The following PGK1 variants were observed in gnomAD, a reference collection of about 807,000 sequenced individuals.
The protein encoded by PGK1 is PRP 2.
Under a neutral mutation model 26.9 loss-of-function variants are expected in PGK1, and 3 were observed. The ratio of observed to expected loss-of-function variants is 0.11; its 90% CI spans 0.05 to 0.29. PGK1 has a LOEUF of 0.29. Ranked by LOEUF, PGK1 falls within the 10% of genes least tolerant of loss-of-function variation. PGK1 has a pLI of 1.00. For synonymous variants in PGK1, 125 were observed against 115.3 expected (o/e 1.08, Z -0.54); for missense variants, 270 against 314.7 (o/e 0.86, Z 1.07).
intron 6 of PGK1, among the ~76,000 whole-genome samples, chrX:78,120,334 C>A: frequency 1.1e-5 from 1 of 93,609 alleles, no homozygotes; most frequent in East Asian, 3.7e-4. Context: ...GGAATGTACA[C>A]ACACACACAC....
At chrX:78,112,551 A>G (rs2078306524) in intron 2 of PGK1, among the ~76,000 whole-genome samples, 1 of 112,476 alleles carries the variant, frequency 8.9e-6, no homozygotes, top group Non-Finnish European at 1.9e-5. Context: ...ATTTTTTCCT[A>G]CATAAAAAAG....
intron 6 of PGK1, among the ~76,000 whole-genome samples, chrX:78,119,995 A>G (rs1366245954): frequency 9.0e-6 from 1 of 111,247 alleles, no homozygotes; most frequent in Non-Finnish European, 1.9e-5. Flanking sequence ...TTGTTCTTCA[A>G]CTTTCTGTAG....
intron 2 of PGK1, among the ~76,000 whole-genome samples, chrX:78,110,993 A>G (rs952781875): frequency 2.7e-5 from 3 of 109,555 alleles, no homozygotes; most frequent in Non-Finnish European, 5.7e-5. Flanking sequence ...TTATATATAT[A>G]TATATATGGG....
At position 78,126,163 on chromosome X, in the gene PGK1, G is replaced by T. The variant is rs921829706; in HGVS notation, c.*333G>T. 8.2e-6 allele frequency: 2 copies of T among 245,339 alleles called. No homozygotes were observed. The highest frequency in any genetic ancestry group is 5.5e-5 in the African/African-American group (2 of 36,687). The allele number at this position is 245,339 out of a possible 1,213,427, so 20.2% of individuals were successfully genotyped here. A position where few individuals can be genotyped will look rare whatever the true frequency, so the allele number is the denominator to read the frequency against. Reference sequence around the variant, plus strand: ...GATGTAGGTTATTATGATTAGCTTTGTCACTGTTTCACTACTCAGCATGGA... The same window carrying T: ...GATGTAGGTTATTATGATTAGCTTTTTCACTGTTTCACTACTCAGCATGGA... On this transcript the variant is annotated 3_prime_UTR_variant, in exon 11 of 11. Transcript: ENST00000373316.
At chrX:78,105,242 C>T (rs1340302846) in intron 1 of PGK1, among the ~76,000 whole-genome samples, 1 of 112,034 alleles carries the variant, frequency 8.9e-6, no homozygotes, top group African/African-American at 3.3e-5. Flanking sequence ...CTCTTATCTG[C>T]CAGAATTGTT....
At chrX:78,119,948 T>C (rs149504674) in intron 6 of PGK1, among the ~76,000 whole-genome samples, 59 of 112,043 alleles carry the variant, frequency 5.3e-4, no homozygotes, top group African/African-American at 1.9e-3. Flanking sequence ...CAGGTTGTTG[T>C]GTCTTGTTCT....
chrX:78,114,791 G>A (rs782043068), intron 4 of PGK1, among the ~76,000 whole-genome samples: 2 of 112,413 alleles, frequency 1.8e-5, no homozygotes, highest in Admixed American at 9.4e-5. Flanking sequence ...CCGATGTTGT[G>A]CAAAAGCAGC....
rs782515029 is a variant in PGK1, at chrX:78,126,166, A to C, written c.*336A>C. 1.2e-5 allele frequency: 3 copies of C among 240,161 alleles called. No homozygotes were observed. In the East Asian group the frequency reaches 2.2e-4, roughly 17 times the overall value. 19.8% of individuals were successfully genotyped at this position (240,161 alleles called of 1,213,427 possible). On this transcript the variant is annotated 3_prime_UTR_variant, in exon 11 of 11. Transcript: ENST00000373316. Reference sequence around the variant, plus strand: ...GTAGGTTATTATGATTAGCTTTGTCACTGTTTCACTACTCAGCATGGAAAC... The same window carrying C: ...GTAGGTTATTATGATTAGCTTTGTCCCTGTTTCACTACTCAGCATGGAAAC...
intron 1 of PGK1, among the ~76,000 whole-genome samples, chrX:78,105,886 A>G (rs2078270221): frequency 8.9e-6 from 1 of 111,776 alleles, no homozygotes; most frequent in Non-Finnish European, 1.9e-5. Context: ...AAGGGGATAG[A>G]CCCTGTAAAA....
intron 6 of PGK1, among the ~76,000 whole-genome samples, chrX:78,121,402 ATG>A (rs782769996): frequency 5.6e-4 from 60 of 107,319 alleles, no homozygotes; most frequent in East Asian, 1.4e-3. Context: ...TTGTGTGTGT[ATG>A]TGTGTGTGTG....
In PGK1 at chrX:78,123,330, A is replaced by G. The variant is rs782119990; in HGVS notation, c.892A>G (p.Thr298Ala). ...TADKFDENAKTGQATVASGIP... is the reference protein window; with the variant it reads ...TADKFDENAKAGQATVASGIP... ...TGACAAGTTTGATGAGAATGCCAAG[A>G]CTGGCCAAGCCACTGTGGCTTCTGG... is the stretch of plus-strand genomic sequence containing the variant. Residue 298 changes from threonine to alanine, a missense_variant, in exon 8 of 11, where the codon ACT (threonine) becomes GCT (alanine). Thr to Ala is a moderately conservative substitution (Grantham distance 58). This residue lies in a region of PGK1 where 103 missense variants were observed against 114.6 expected (regional missense o/e 0.90). Coordinates refer to ENST00000373316, the MANE Select transcript of PGK1 (RefSeq NM_000291.4). 4 of 1,208,316 alleles carry G rather than the reference A, an allele frequency of 3.3e-6. No homozygotes were observed. In the African/African-American group the frequency reaches 7.0e-5, roughly 21 times the overall value.
rs1191846947 is a variant in PGK1 at position 78,124,057 on chromosome X, GA to G, written c.936+689del. ...GCTATATAAGAAAACTTTCTCATATGAAAAAATTAAGTATACTGATTACAAG... is the reference window on the plus strand; with the variant it reads ...GCTATATAAGAAAACTTTCTCATATGAAAAATTAAGTATACTGATTACAAG... On this transcript the variant is annotated intron_variant, in intron 8 of 10. Coordinates refer to ENST00000373316, the MANE Select transcript of PGK1 (RefSeq NM_000291.4). Among the ~76,000 whole-genome samples the G allele has an allele frequency of 1.7e-4, 19 of 111,506 alleles. No individual in the cohort carries two copies. In the Admixed American group the frequency reaches 1.8e-3, roughly 11 times the overall value.
Position 78,125,440 on chromosome X carries a change from T to G in PGK1, c.1213+15T>G, listed in dbSNP as rs201600953. 3 of 1,112,016 alleles carry G rather than the reference T, an allele frequency of 2.7e-6. No individual in the cohort carries two copies. The highest frequency in any genetic ancestry group is 3.6e-5 in the African/African-American group (2 of 54,947). The allele number at this position is 1,112,016 out of a possible 1,213,427, so 91.6% of individuals were successfully genotyped here. On this transcript the variant is annotated intron_variant, in intron 10 of 10. Transcript: ENST00000373316. ...GCTCCTGGAAGGTGAGGGTCTTCTG[T>G]TTTTTGGCTTGTTTGGGATAAGGGT...
intron 4 of PGK1, among the ~76,000 whole-genome samples, chrX:78,115,667 A>G (rs1465351736): frequency 1.8e-5 from 2 of 111,595 alleles, no homozygotes; most frequent in Non-Finnish European, 3.8e-5. Flanking sequence ...AAAACCACAA[A>G]AACAAAGTGA....
Position 78,126,804 on chromosome X carries a change from C to T in PGK1, c.*974C>T, listed in dbSNP as rs1569550929. ...TAATACAGCTGAGCTATGTAGTATG[C>T]TATGATTAAATTTACTTATGTAACT... On this transcript the variant is annotated 3_prime_UTR_variant, in exon 11 of 11. Transcript: ENST00000373316. The T allele has an allele frequency of 8.9e-6, 1 of 111,795 alleles. No individual in the cohort carries two copies. The highest frequency in any genetic ancestry group is 3.2e-5 in the African/African-American group (1 of 30,791). The allele number at this position is 111,795 out of a possible 1,213,427, so 9.2% of individuals were successfully genotyped here.
At position 78,128,395 on chromosome X, in the gene PGK1, T is replaced by A. The variant is rs2078392456; in HGVS notation, c.*2565T>A. On this transcript the variant is annotated 3_prime_UTR_variant, in exon 11 of 11. Coordinates refer to ENST00000373316, the MANE Select transcript of PGK1 (RefSeq NM_000291.4). ...CCGTTTCTACCAAAAATACAAAAATTAGCCGGGCGTGGTGGCGTGTGCCAC... is the reference window on the plus strand; with the variant it reads ...CCGTTTCTACCAAAAATACAAAAATAAGCCGGGCGTGGTGGCGTGTGCCAC... 1 of 112,390 alleles carries A rather than the reference T, an allele frequency of 8.9e-6. No homozygotes were observed. Among genetic ancestry groups the A allele is most frequent in the African/African-American group, 3.2e-5 (1 of 30,863 alleles). 9.3% of individuals were successfully genotyped at this position (112,390 alleles called of 1,213,427 possible). A position where few individuals can be genotyped will look rare whatever the true frequency, so the allele number is the denominator to read the frequency against.
At chrX:78,106,346 T>C (rs2078272526) in intron 1 of PGK1, 3 of 702,474 alleles carry the variant, frequency 4.3e-6, no homozygotes, top group Non-Finnish European at 5.1e-6. Context: ...TACGTTGAAA[T>C]AGAACTTTCT....
intron 1 of PGK1, among the ~76,000 whole-genome samples, chrX:78,105,153 TTG>T (rs782069383): frequency 3.7e-4 from 41 of 112,282 alleles, no homozygotes; most frequent in African/African-American, 1.2e-3. Flanking sequence ...AATTTTAAAA[TTG>T]GGGGAAGTTT....
In PGK1 at chrX:78,104,277, A is replaced by G. The variant is rs979901871; in HGVS notation, c.-64A>G. 11 of 850,840 alleles carry G rather than the reference A, an allele frequency of 1.3e-5. No individual in the cohort carries two copies. The highest frequency in any genetic ancestry group is 1.1e-4 in the Admixed American group (5 of 44,171). 70.1% of individuals were successfully genotyped at this position (850,840 alleles called of 1,213,427 possible). A position where few individuals can be genotyped will look rare whatever the true frequency, so the allele number is the denominator to read the frequency against. ...CGCATTCTGCAAGCCTCCGGAGCGC[A>G]CGTCGGCAGTCGGCTCCCTCGTTGA... On this transcript the variant is annotated 5_prime_UTR_variant, in exon 1 of 11. Coordinates refer to ENST00000373316, the MANE Select transcript of PGK1 (RefSeq NM_000291.4).
Sources: gnomAD v4.1 joint callset for allele counts (sites outside exome capture counted in the v4.1 genomes callset) on GRCh38, gnomAD v4.1.1 for gene constraint, gnomAD v4.1.1 regional missense constraint, MANE v1.5 for transcripts, NCBI Gene and HGNC (gene_info 2026-07-23, HGNC 2026-07-21) for gene names.